Variants in ANKRD13B observed in about 807,000 individuals in gnomAD.
ANKRD13B encodes the protein ankyrin repeat domain 13B, also known as ankyrin repeat domain-containing protein 13B.
Under a neutral mutation model 74.4 loss-of-function variants are expected in ANKRD13B, and 33 were observed. That is an observed-to-expected ratio of 0.44 (90% CI 0.34 to 0.59). ANKRD13B has a LOEUF of 0.59. ANKRD13B is among the 20% of genes least tolerant of loss of function. ANKRD13B has a pLI of 0.02. For synonymous variants in ANKRD13B, 341 were observed against 362.9 expected (o/e 0.94, Z 0.68); for missense variants, 676 against 877.9 (o/e 0.77, Z 2.91).
In ANKRD13B at chr17:29,611,987, C is replaced by A. The variant is rs1329772844; in HGVS notation, c.1081C>A (p.Leu361Met). ...GNRDMGRPME[L>M]TTKTQKFKAK... ...CCGTGATATGGGCCGCCCCATGGAA[C>A]TGACCACCAAGACACAGAAGTGAGG... Residue 361 changes from leucine (L) to methionine (M), a missense_variant, in exon 10 of 15, where the codon CTG (leucine) becomes ATG (methionine). Leu to Met is a conservative substitution (Grantham distance 15). Coordinates refer to ENST00000394859, the MANE Select transcript of ANKRD13B (RefSeq NM_152345.5). The surrounding 1 kb of genome is among the most constrained non-coding windows in gnomAD (Gnocchi z 4.3). 1 of 1,613,292 alleles carries A rather than the reference C, an allele frequency of 6.2e-7. No individual in the cohort carries two copies.
intron 1 of ANKRD13B, among the ~76,000 whole-genome samples, chr17:29,602,673 T>G (rs1292485432): frequency 6.6e-6 from 1 of 152,204 alleles, no homozygotes; most frequent in Non-Finnish European, 1.5e-5. Flanking sequence ...TTATTTCATC[T>G]TGAGATCCTT....
rs1277152552 is a variant in ANKRD13B at position 29,611,763 on chromosome 17, A to G, written c.970-113A>G. The G allele has an allele frequency of 6.4e-7, 1 of 1,571,006 alleles. No homozygotes were observed. The highest frequency in any genetic ancestry group is 8.7e-7 in the Non-Finnish European group (1 of 1,149,602). On this transcript the variant is annotated intron_variant, in intron 9 of 14. Coordinates refer to ENST00000394859, the MANE Select transcript of ANKRD13B (RefSeq NM_152345.5). The surrounding 1 kb of genome is among the most constrained non-coding windows in gnomAD (Gnocchi z 4.3). ...CCTCCTTTCCACAATGCCCAAGGCC[A>G]TGTCAGCGCCACACTGGCAGAGGGG...
At position 29,612,234 on chromosome 17, in the gene ANKRD13B, A is replaced by G. The variant is rs1207728204; in HGVS notation, c.1219A>G (p.Ile407Val). The change falls in exon 11 of 15, where the codon ATC becomes GTC. Residue 407 changes from isoleucine (I) to valine (V), a missense_variant. Ile to Val is a conservative substitution (Grantham distance 29). Around this residue, in one of 4 missense-constraint regions of ANKRD13B, gnomAD observed 328 missense variants for 518.4 expected, o/e 0.63. Coordinates refer to ENST00000394859, the MANE Select transcript of ANKRD13B (RefSeq NM_152345.5). The surrounding 1 kb of genome is among the most constrained non-coding windows in gnomAD (Gnocchi z 6.1). The part of the protein sequence containing the change: ...NALFAKLRDF[I>V]TLRLPPGFPV... ...GCTTTTTGCCAAGCTCCGGGACTTC[A>G]TCACCCTGCGTCTGCCTCCTGGCTT... 6.2e-7 allele frequency: 1 copy of G among 1,614,032 alleles called. No homozygotes were observed. The highest frequency in any genetic ancestry group is 1.1e-5 in the South Asian group (1 of 91,080).
Position 29,614,308 on chromosome 17 carries a change from C to G in ANKRD13B, c.*726C>G, listed in dbSNP as rs909533263. On this transcript the variant is annotated 3_prime_UTR_variant, in exon 15 of 15. Coordinates refer to ENST00000394859, the MANE Select transcript of ANKRD13B (RefSeq NM_152345.5). ...CCCTGGCCTGTGCAAGCCCTGACTC[C>G]CTCATGGTGCCTCGGAGAGTGGGGA... 6.6e-6 allele frequency: 1 copy of G among 152,156 alleles called. No individual in the cohort carries two copies. Among genetic ancestry groups the G allele is most frequent in the Non-Finnish European group, 1.5e-5 (1 of 68,028 alleles). 9.4% of individuals were successfully genotyped at this position (152,156 alleles called of 1,614,324 possible).
chr17:29,605,405 TACAC>T (rs890715105), intron 1 of ANKRD13B, among the ~76,000 whole-genome samples: 1 of 144,550 alleles, frequency 6.9e-6, no homozygotes, highest in Non-Finnish European at 1.5e-5. Flanking sequence ...TATATATATA[TACAC>T]ACACAAACAC....
chr17:29,593,257 C>T lies in ANKRD13B; in HGVS notation c.-365C>T, dbSNP rs1287090875. On this transcript the variant is annotated 5_prime_UTR_variant, in exon 1 of 15. Transcript: ENST00000394859. Reference sequence around the variant, plus strand: ...TCCCTGCGGCGGCGTCCCCGGGGCCCGCGTCCCGTGCGCCCCCGCGCCCGC... The same window carrying T: ...TCCCTGCGGCGGCGTCCCCGGGGCCTGCGTCCCGTGCGCCCCCGCGCCCGC... Among the ~76,000 whole-genome samples the T allele has an allele frequency of 1.3e-5, 2 of 149,208 alleles. No homozygotes were observed. The highest frequency in any genetic ancestry group is 3.0e-5 in the Non-Finnish European group (2 of 66,802).
chr17:29,600,725 T>G (rs1475112986), intron 1 of ANKRD13B, among the ~76,000 whole-genome samples: 1 of 151,714 alleles, frequency 6.6e-6, no homozygotes, highest in African/African-American at 2.4e-5. Context: ...CCTACACCTT[T>G]CAGGGGGGCT....
intron 1 of ANKRD13B, among the ~76,000 whole-genome samples, chr17:29,606,780 G>A (rs972219550): frequency 2.0e-5 from 3 of 147,938 alleles, no homozygotes; most frequent in Admixed American, 6.8e-5. Flanking sequence ...TGGGCACTGC[G>A]GCTCACACCT....
chr17:29,613,606 A>AGCGCCACGC lies in ANKRD13B; in HGVS notation c.*34_*42dup, dbSNP rs965829073. ...AGCGCCCCCTGCCGGGACCCTCGCC[A>AGCGCCACGC]GCGCCACGCGCGCCACGCCCAGGGC... On this transcript the variant is annotated 3_prime_UTR_variant, in exon 15 of 15. Coordinates refer to ENST00000394859, the MANE Select transcript of ANKRD13B (RefSeq NM_152345.5). 25 of 1,399,628 alleles carry AGCGCCACGC rather than the reference A, an allele frequency of 1.8e-5. No individual in the cohort carries two copies. Among genetic ancestry groups the AGCGCCACGC allele is most frequent in the Middle Eastern group, 1.8e-4 (1 of 5,422 alleles). The allele number at this position is 1,399,628 out of a possible 1,614,324, so 86.7% of individuals were successfully genotyped here.
chr17:29,597,126 A>G lies in ANKRD13B; in HGVS notation c.114+3391A>G, dbSNP rs1016425468. Among the ~76,000 whole-genome samples, 4 of 152,342 alleles carry G rather than the reference A, an allele frequency of 2.6e-5. No individual in the cohort carries two copies. In the South Asian group the frequency reaches 6.2e-4, roughly 24 times the overall value. On this transcript the variant is annotated intron_variant, in intron 1 of 14. Transcript: ENST00000394859. ...GGGCTGAGCAGGCACCACCTTGAGC[A>G]CAGGCTCTGCGTCCCTCACCTTCCT...
At chr17:29,597,542 G>A (rs1176356896) in intron 1 of ANKRD13B, among the ~76,000 whole-genome samples, 3 of 152,156 alleles carry the variant, frequency 2.0e-5, no homozygotes, top group African/African-American at 4.8e-5. Flanking sequence ...GCTGGGATAA[G>A]GAATCTCCGT....
At chr17:29,600,698 A>G (rs1476892447) in intron 1 of ANKRD13B, among the ~76,000 whole-genome samples, 1 of 151,424 alleles carries the variant, frequency 6.6e-6, no homozygotes, top group Non-Finnish European at 1.5e-5. Context: ...TGCCATCCCC[A>G]TTGCCTGCAG....
At position 29,609,534 on chromosome 17, in the gene ANKRD13B, T is replaced by C; in HGVS notation, c.822+113T>C. ...CTGGAGGTACAGAAGCAATGCAGCG[T>C]GGTCAAGCACTTATATTTGGGTTCA... On this transcript the variant is annotated intron_variant, in intron 7 of 14. Coordinates refer to ENST00000394859, the MANE Select transcript of ANKRD13B (RefSeq NM_152345.5). The surrounding 1 kb of genome is among the most constrained non-coding windows in gnomAD (Gnocchi z 4.0). 1 of 1,293,014 alleles carries C rather than the reference T, an allele frequency of 7.7e-7. No homozygotes were observed. Among genetic ancestry groups the C allele is most frequent in the Non-Finnish European group, 1.1e-6 (1 of 927,464 alleles). The allele number at this position is 1,293,014 out of a possible 1,614,324, so 80.1% of individuals were successfully genotyped here. A position where few individuals can be genotyped will look rare whatever the true frequency, so the allele number is the denominator to read the frequency against.
At chr17:29,596,114 C>A (rs187135994) in intron 1 of ANKRD13B, among the ~76,000 whole-genome samples, 2 of 152,374 alleles carry the variant, frequency 1.3e-5, no homozygotes, top group East Asian at 3.9e-4. Context: ...TTTCCCTGGT[C>A]TTGGCTTGGC....
Position 29,609,111 on chromosome 17 carries a change from T to C in ANKRD13B, c.591T>C (p.Ile197=), listed in dbSNP as rs374807459. The C allele has an allele frequency of 1.2e-6, 2 of 1,611,032 alleles. No individual in the cohort carries two copies. Among genetic ancestry groups the C allele is most frequent in the Non-Finnish European group, 1.7e-6 (2 of 1,179,834 alleles). Residue 197 remains isoleucine (I), a synonymous_variant, in exon 6 of 15, where the codon ATT becomes ATC. Coordinates refer to ENST00000394859, the MANE Select transcript of ANKRD13B (RefSeq NM_152345.5). The surrounding 1 kb of genome is among the most constrained non-coding windows in gnomAD (Gnocchi z 4.0). ...ACACAAGCGCCGTGGTCATGGAGAT[T>C]GACCACGACCGCCGGGTGGTGTACA... The part of the protein sequence containing the change: ...GQDTSAVVME[I]DHDRRVVYTE...
Position 29,611,984 on chromosome 17 carries a change from G to T in ANKRD13B, c.1078G>T (p.Glu360Ter). Residue 360 changes from glutamate (E) to a stop codon, truncating the protein, a stop_gained, in exon 10 of 15, where the codon GAA becomes TAA. Coordinates refer to ENST00000394859, the MANE Select transcript of ANKRD13B (RefSeq NM_152345.5). LOFTEE classifies it high-confidence loss of function. This position sits in a 1 kb window ranked among gnomAD's most constrained non-coding sequence, Gnocchi z 4.3. Reference sequence around the variant, plus strand: ...CAACCGTGATATGGGCCGCCCCATGGAACTGACCACCAAGACACAGAAGTG... The same window carrying T: ...CAACCGTGATATGGGCCGCCCCATGTAACTGACCACCAAGACACAGAAGTG... ...LGNRDMGRPMELTTKTQKFKA... is the reference protein window; with the variant it reads ...LGNRDMGRPM 1 of 1,613,516 alleles carries T rather than the reference G, an allele frequency of 6.2e-7. No homozygotes were observed. The highest frequency in any genetic ancestry group is 1.7e-4 in the Middle Eastern group (1 of 6,058).
chr17:29,608,173 C>G lies in ANKRD13B; in HGVS notation c.376-22C>G, dbSNP rs576149203. 2.5e-5 allele frequency: 40 copies of G among 1,614,058 alleles called. No homozygotes were observed. Among genetic ancestry groups the G allele is most frequent in the Non-Finnish European group, 3.2e-5 (38 of 1,180,028 alleles). ...AGCCCTTCTCCAGTGCAGACTTAGC[C>G]TCTCTCCCCTTCGTCCTCCAGGCCC... On this transcript the variant is annotated intron_variant, in intron 3 of 14. Transcript: ENST00000394859. This position sits in a 1 kb window ranked among gnomAD's most constrained non-coding sequence, Gnocchi z 6.4.
intron 1 of ANKRD13B, among the ~76,000 whole-genome samples, chr17:29,602,059 A>G (rs2034197955): frequency 6.6e-6 from 1 of 152,194 alleles, no homozygotes; most frequent in South Asian, 2.1e-4. Flanking sequence ...TTATCTTGGT[A>G]TTAGTTTCCA....
At position 29,612,566 on chromosome 17, in the gene ANKRD13B, C is replaced by A; in HGVS notation, c.1411+12C>A. 2 of 1,529,604 alleles carry A rather than the reference C, an allele frequency of 1.3e-6. No individual in the cohort carries two copies. Among genetic ancestry groups the A allele is most frequent in the Non-Finnish European group, 1.8e-6 (2 of 1,137,598 alleles). 94.8% of individuals were successfully genotyped at this position (1,529,604 alleles called of 1,614,324 possible). A position where few individuals can be genotyped will look rare whatever the true frequency, so the allele number is the denominator to read the frequency against. The stretch of plus-strand genomic sequence containing the variant: ...CTCCAGCTCCACGAGTGAGGCCCCC[C>A]GCGAGAACGCCTGCCCCTCGGCTCT... On this transcript the variant is annotated intron_variant, in intron 12 of 14. Coordinates refer to ENST00000394859, the MANE Select transcript of ANKRD13B (RefSeq NM_152345.5). This position sits in a 1 kb window ranked among gnomAD's most constrained non-coding sequence, Gnocchi z 6.1.
Sources: gnomAD v4.1 joint callset for allele counts (sites outside exome capture counted in the v4.1 genomes callset) on GRCh38, gnomAD v4.1.1 for gene constraint, gnomAD v4.1.1 regional missense constraint, Gnocchi (gnomAD v3.1) non-coding constraint, MANE v1.5 for transcripts, NCBI Gene and HGNC (gene_info 2026-07-23, HGNC 2026-07-21) for gene names.